The following PLB1 variants were observed in gnomAD, a reference collection of about 807,000 sequenced individuals.
PLB1 encodes the protein phospholipase B1.
In PLB1, 242 loss-of-function variants were observed where a neutral mutation model predicts 227.4. The observed-to-expected ratio is 1.06, with a 90% CI of 0.96 to 1.18. PLB1 has a LOEUF of 1.18. Ranked by LOEUF, PLB1 falls within the 50% of genes most tolerant of loss-of-function variation. The pLI, the probability that PLB1 is intolerant of heterozygous loss-of-function variation, is 0.00. For synonymous variants in PLB1, 757 were observed against 682.2 expected (o/e 1.11, Z -1.71); for missense variants, 1,858 against 1,816.3 (o/e 1.02, Z -0.42).
chr2:28,562,854 T>C (rs1487531318), intron 17 of PLB1, among the ~76,000 whole-genome samples, 187 bp from the exon 18 acceptor site: 2 of 152,010 alleles, frequency 1.3e-5, no homozygotes, highest in Non-Finnish European at 2.9e-5. Context: ...GCACTCAGAC[T>C]CCACAGCTGG....
Position 28,604,060 on chromosome 2 carries a change from A to G in PLB1, c.2856+13A>G, listed in dbSNP as rs1172553603. ...CCGAGCCTACCGGGTAAGACCAAGAAGGGCACCATGCTGTGTCCTCTCCCC... is the reference window on the plus strand; with the variant it reads ...CCGAGCCTACCGGGTAAGACCAAGAGGGGCACCATGCTGTGTCCTCTCCCC... On this transcript the variant is annotated intron_variant, in intron 40 of 57. Coordinates refer to ENST00000327757, the MANE Select transcript of PLB1 (RefSeq NM_153021.5). 1.2e-6 allele frequency: 2 copies of G among 1,606,728 alleles called. No individual in the cohort carries two copies. The highest frequency in any genetic ancestry group is 1.7e-5 in the Admixed American group (1 of 60,026).
At position 28,566,599 on chromosome 2, in the gene PLB1, G is replaced by T. The variant is rs751577727; in HGVS notation, c.1281-197G>T. The T allele has an allele frequency of 5.4e-6, 3 of 554,208 alleles. No homozygotes were observed. The African/African-American group carries it at 5.7e-5, about 11-fold the overall frequency. 34.3% of individuals were successfully genotyped at this position (554,208 alleles called of 1,614,324 possible). On this transcript the variant is annotated intron_variant, in intron 19 of 57. Coordinates refer to ENST00000327757, the MANE Select transcript of PLB1 (RefSeq NM_153021.5). ...CTGGTTTAAAGCTGGCGTTTTGTTT[G>T]GATGTGCTGGCCTATGGGGAGGGGA...
Position 28,601,880 on chromosome 2 carries a change from C to T in PLB1, c.2608-19C>T. 1 of 1,587,116 alleles carries T rather than the reference C, an allele frequency of 6.3e-7. No homozygotes were observed. ...ACCCTAACCAGTTCCTCCTTTTCCT[C>T]CTTCCTGTCTCTTTCTAGAATCTGT... On this transcript the variant is annotated intron_variant, in intron 37 of 57. Transcript: ENST00000327757.
At position 28,529,773 on chromosome 2, in the gene PLB1, G is replaced by A; in HGVS notation, c.462G>A (p.Glu154=). The A allele has an allele frequency of 6.2e-7, 1 of 1,614,130 alleles. No homozygotes were observed. Among genetic ancestry groups the A allele is most frequent in the Non-Finnish European group, 8.5e-7 (1 of 1,179,988 alleles). ...AAGAACTGGTGAGAAACATGAAAGA[G>A]AACCTGGTAAGCATCCGTCCAACTC... ...QAQELVRNMK[E]NLQLDFQFDW... Residue 154 remains glutamate (E), a synonymous_variant, in exon 8 of 58, where the codon GAG becomes GAA. Transcript: ENST00000327757.
At chr2:28,544,365 C>G (rs1881253) in intron 14 of PLB1, among the ~76,000 whole-genome samples, 56,332 of 152,176 alleles carry the variant, frequency 0.37, 11,157 homozygotes, top group South Asian at 0.48. Context: ...CTCCCAAGCC[C>G]TCTCTCAGGG....
intron 43 of PLB1, among the ~76,000 whole-genome samples, chr2:28,613,211 C>T (rs527594984): frequency 6.6e-5 from 10 of 152,326 alleles, no homozygotes; most frequent in African/African-American, 2.4e-4. Flanking sequence ...AGGCATGGGC[C>T]ACTGTGCCAG....
chr2:28,598,763 A>G lies in PLB1; in HGVS notation c.2474+3A>G. On this transcript the variant is annotated splice_donor_region_variant and intron_variant, in intron 35 of 57. Coordinates refer to ENST00000327757, the MANE Select transcript of PLB1 (RefSeq NM_153021.5). ...GCTGTTCCCGGAGCAAAGGCTGAGT[A>G]TGGCATTTGGGGAGGGAGGGAGCCT... is the stretch of plus-strand genomic sequence containing the variant. 1.2e-6 allele frequency: 2 copies of G among 1,610,466 alleles called. No individual in the cohort carries two copies. Among genetic ancestry groups the G allele is most frequent in the East Asian group, 2.2e-5 (1 of 44,864 alleles).
chr2:28,589,581 A>G, intron 27 of PLB1, 27 bp downstream of exon 27: 1 of 1,612,382 alleles, frequency 6.2e-7, no homozygotes. Flanking sequence ...TCGTAGAAAA[A>G]TAGAATCCAC....
chr2:28,509,392 C>T (rs1307423267), intron 1 of PLB1, among the ~76,000 whole-genome samples: 2 of 152,098 alleles, frequency 1.3e-5, no homozygotes, highest in Non-Finnish European at 2.9e-5. Context: ...ATACCCATGC[C>T]CCACCAGGCC....
chr2:28,525,045 C>T (rs901428041), intron 4 of PLB1, among the ~76,000 whole-genome samples: 17 of 152,054 alleles, frequency 1.1e-4, no homozygotes, highest in Middle Eastern at 6.8e-3. Flanking sequence ...GATGGGGTTT[C>T]GTCATATTGG....
At chr2:28,583,189 C>CT (rs112360775) in intron 25 of PLB1, among the ~76,000 whole-genome samples, 17,725 of 144,236 alleles carry the variant, frequency 0.12, 1,909 homozygotes, top group African/African-American at 0.29. Flanking sequence ...AAATCCAAAA[C>CT]TTTTTTTTTT....
At chr2:28,549,680 T>C (rs993807719) in intron 15 of PLB1, among the ~76,000 whole-genome samples, 1 of 152,188 alleles carries the variant, frequency 6.6e-6, no homozygotes, top group African/African-American at 2.4e-5. Flanking sequence ...CAATAATAAG[T>C]ATACAATTCA....
At chr2:28,605,785 C>A in intron 41 of PLB1, 68 bp from the exon 42 acceptor site, 1 of 1,339,128 alleles carries the variant, frequency 7.5e-7, no homozygotes, top group Non-Finnish European at 1.1e-6. Flanking sequence ...AGTCCCAGGG[C>A]CAAGTCCGCT....
intron 10 of PLB1, 110 bp from the exon 11 acceptor site, chr2:28,538,989 G>A: frequency 4.9e-6 from 4 of 814,044 alleles, no homozygotes; most frequent in Admixed American, 3.5e-5. Context: ...CCAAGGGGAG[G>A]CCCATCACAC....
In PLB1 at chr2:28,548,914, A is replaced by G. The variant is rs1265647127; in HGVS notation, c.991A>G (p.Met331Val). The G allele has an allele frequency of 6.2e-7, 1 of 1,614,162 alleles. No individual in the cohort carries two copies. The highest frequency in any genetic ancestry group is 2.2e-5 in the East Asian group (1 of 44,888). The change falls in exon 15 of 58, where the codon ATG (methionine) becomes GTG (valine). Residue 331 changes from methionine (M) to valine (V), a missense_variant. Met to Val is a conservative substitution (Grantham distance 21). Transcript: ENST00000327757. ...EPLSVKHGRP[M>V]KCPSQESPYL... ...ATTGAGTGTAAAACACGGGAGGCCA[A>G]TGAAGTGTCCCTCTCAGGTAGGAGG...
chr2:28,576,211 A>G (rs189265977), intron 21 of PLB1, among the ~76,000 whole-genome samples: 6 of 152,304 alleles, frequency 3.9e-5, no homozygotes, highest in African/African-American at 1.4e-4. Flanking sequence ...AATCGAAGAA[A>G]CTATAGCACA....
At chr2:28,576,467 C>T (rs780988370) in intron 21 of PLB1, among the ~76,000 whole-genome samples, 3 of 152,184 alleles carry the variant, frequency 2.0e-5, no homozygotes, top group Non-Finnish European at 2.9e-5. Context: ...CAGTGGCTCA[C>T]GTCTGTAATC....
rs1314685904 is a variant in PLB1, at chr2:28,617,774, T to C, written c.3243T>C (p.Ser1081=). The C allele has an allele frequency of 5.6e-6, 9 of 1,614,024 alleles. No homozygotes were observed. Among genetic ancestry groups the C allele is most frequent in the Non-Finnish European group, 7.6e-6 (9 of 1,179,846 alleles). The change falls in exon 45 of 58, where the codon AGT becomes AGC. Residue 1081 remains serine, a synonymous_variant. Coordinates refer to ENST00000327757, the MANE Select transcript of PLB1 (RefSeq NM_153021.5). ...FLCTEWKASN[S]VPTSVHQLRP... is the part of the protein sequence containing the mutation. The stretch of plus-strand genomic sequence containing the variant: ...GTACAGAGTGGAAGGCTTCCAATAG[T>C]GTTCCAACCTCTGGTGAGTGAAAAC...
intron 1 of PLB1, among the ~76,000 whole-genome samples, chr2:28,514,238 A>G (rs943172168): frequency 6.6e-6 from 1 of 152,158 alleles, no homozygotes; most frequent in Non-Finnish European, 1.5e-5. Context: ...TTAGTCAAAG[A>G]TCTGTTGACT....
Sources: allele counts gnomAD v4.1 joint callset (sites outside exome capture counted in the v4.1 genomes callset), GRCh38; gene constraint gnomAD v4.1.1; transcripts MANE v1.5; gene names NCBI Gene and HGNC (gene_info 2026-07-23, HGNC 2026-07-21).